Variants in KISS1R observed in about 807,000 individuals in gnomAD.
The protein encoded by KISS1R is KISS1 receptor.
A neutral mutation model predicts 22.0 loss-of-function variants in KISS1R; 19 were observed. That is an observed-to-expected ratio of 0.86 (90% CI 0.60 to 1.26). The LOEUF is 1.26. KISS1R is among the 50% of genes most tolerant of loss of function. The pLI is 0.00. For synonymous variants in KISS1R, 302 were observed against 283.9 expected, an observed-to-expected ratio of 1.06 and a Z score of -0.64; for missense variants, 653 against 581.9, an observed-to-expected ratio of 1.12 and a Z score of -1.26.
intron 1 of KISS1R, among the ~76,000 whole-genome samples, chr19:918,226 G>A (rs568961538): frequency 4.6e-5 from 7 of 152,364 alleles, no homozygotes; most frequent in Admixed American, 3.9e-4. Flanking sequence ...TGCAGTTGTG[G>A]AAACTGAGGC....
At position 917,663 on chromosome 19, in the gene KISS1R, T is replaced by G; in HGVS notation, c.161T>G (p.Leu54Arg). Reference protein sequence around the residue: ...LVPLFFAALMLLGLVGNSLVI... With the variant: ...LVPLFFAALMRLGLVGNSLVI... ...CCGCTCTTCTTCGCGGCGCTGATGC[T>G]GCTGGGCCTGGTGGGGAACTCGCTG... Residue 54 changes from leucine to arginine, a missense_variant, in exon 1 of 5, where the codon CTG becomes CGG. Coordinates refer to ENST00000234371, the MANE Select transcript of KISS1R (RefSeq NM_032551.5). 6.3e-7 allele frequency: 1 copy of G among 1,594,592 alleles called. No individual in the cohort carries two copies. The highest frequency in any genetic ancestry group is 2.3e-5 in the East Asian group (1 of 43,798).
rs898615247 is a variant in KISS1R, at chr19:917,857, C to T, written c.244+111C>T. The T allele has an allele frequency of 6.9e-6, 9 of 1,310,840 alleles. No homozygotes were observed. In the South Asian group the frequency reaches 1.0e-4, roughly 15 times the overall value. The allele number at this position is 1,310,840 out of a possible 1,614,324, so 81.2% of individuals were successfully genotyped here. A position where few individuals can be genotyped will look rare whatever the true frequency, so the allele number is the denominator to read the frequency against. ...GGGGCCCTCTCGGACCCGGCTCTGT[C>T]CCCTGCAGGGGTCCCCCCCAACCTC... is the stretch of plus-strand genomic sequence containing the variant. On this transcript the variant is annotated intron_variant, in intron 1 of 4. Coordinates refer to ENST00000234371, the MANE Select transcript of KISS1R (RefSeq NM_032551.5).
chr19:917,638 C>T lies in KISS1R; in HGVS notation c.136C>T (p.Pro46Ser), dbSNP rs1397339686. 3.8e-6 allele frequency: 6 copies of T among 1,585,318 alleles called. No individual in the cohort carries two copies. Among genetic ancestry groups the T allele is most frequent in the Non-Finnish European group, 5.1e-6 (6 of 1,168,004 alleles). ...GCGGGCCGTGGACGCCTGGCTCGTG[C>T]CGCTCTTCTTCGCGGCGCTGATGCT... ...SPRAVDAWLV[P>S]LFFAALMLLG... The change falls in exon 1 of 5, where the codon CCG becomes TCG. Residue 46 changes from proline (P) to serine (S), a missense_variant. Transcript: ENST00000234371.
rs768769129 is a variant in KISS1R at position 920,492 on chromosome 19, G to A, written c.941G>A (p.Ser314Asn). ...LKTWAHCMSY[S>N]NSALNPLLYA... ...ACCTGGGCTCACTGCATGTCCTACA[G>A]CAACTCCGCGCTGAACCCGCTGCTC... is the stretch of plus-strand genomic sequence containing the variant. The change falls in exon 5 of 5, where the codon AGC becomes AAC. Residue 314 changes from serine (S) to asparagine (N), a missense_variant. Transcript: ENST00000234371. 1.2e-6 allele frequency: 2 copies of A among 1,609,960 alleles called. No homozygotes were observed. The highest frequency in any genetic ancestry group is 3.3e-5 in the Admixed American group (2 of 59,898).
Position 918,654 on chromosome 19 carries a change from A to T in KISS1R, c.355A>T (p.Asn119Tyr). 6.4e-7 allele frequency: 1 copy of T among 1,550,764 alleles called. No homozygotes were observed. Among genetic ancestry groups the T allele is most frequent in the South Asian group, 1.2e-5 (1 of 84,066 alleles). The change falls in exon 2 of 5, where the codon AAC becomes TAC. Residue 119 changes from asparagine (N) to tyrosine (Y), a missense_variant. Transcript: ENST00000234371. ...VLGDFMCKFV[N>Y]YIQQVSVQAT... ...GGGCGACTTCATGTGCAAGTTCGTCAACTACATCCAGCAGGTGCGCTCCGG... is the reference window on the plus strand; with the variant it reads ...GGGCGACTTCATGTGCAAGTTCGTCTACTACATCCAGCAGGTGCGCTCCGG...
At chr19:919,846 G>A (rs1422286314) in intron 3 of KISS1R, 28 bp from the exon 4 acceptor site, 3 of 1,532,850 alleles carry the variant, frequency 2.0e-6, no homozygotes, top group Non-Finnish European at 2.6e-6. Context: ...TTCCCCGAGC[G>A]GGGTCTTCAT....
chr19:918,027 G>A (rs1396160020), intron 1 of KISS1R, among the ~76,000 whole-genome samples: 1 of 152,234 alleles, frequency 6.6e-6, no homozygotes, highest in Non-Finnish European at 1.5e-5. Context: ...GTGCAGCGCG[G>A]GCCAACGGCT....
In KISS1R at chr19:917,724, G is replaced by A; in HGVS notation, c.222G>A (p.Arg74=). 6.2e-7 allele frequency: 1 copy of A among 1,607,324 alleles called. No homozygotes were observed. The highest frequency in any genetic ancestry group is 8.5e-7 in the Non-Finnish European group (1 of 1,177,230). The change falls in exon 1 of 5, where the codon CGG becomes CGA. Residue 74 remains arginine (R), a synonymous_variant. Transcript: ENST00000234371. The part of the protein sequence containing the change: ...IYVICRHKPM[R]TVTNFYIANL... ...TCATCTGCCGCCACAAGCCGATGCG[G>A]ACCGTGACCAACTTCTACATCGGTG...
Position 920,631 on chromosome 19 carries a change from C to A in KISS1R, c.1080C>A (p.His360Gln), listed in dbSNP as rs1032492440. The A allele has an allele frequency of 1.1e-5, 14 of 1,329,462 alleles. No individual in the cohort carries two copies. Among genetic ancestry groups the A allele is most frequent in the African/African-American group, 1.5e-5 (1 of 64,990 alleles). 82.4% of individuals were successfully genotyped at this position (1,329,462 alleles called of 1,614,324 possible). A position where few individuals can be genotyped will look rare whatever the true frequency, so the allele number is the denominator to read the frequency against. ...GACCCTCGGACCCCGCAGCCCCACA[C>A]GCGGAGCTGCTCCGCCTGGGGTCCC... ...RPGPSDPAAP[H>Q]AELLRLGSHP... The change falls in exon 5 of 5, where the codon CAC becomes CAA. Residue 360 changes from histidine (H) to glutamine (Q), a missense_variant. His to Gln is a conservative substitution (Grantham distance 24). Transcript: ENST00000234371.
intron 1 of KISS1R, 63 bp downstream of exon 1, chr19:917,809 G>C: frequency 6.6e-7 from 1 of 1,523,024 alleles, no homozygotes; most frequent in Non-Finnish European, 8.8e-7. Flanking sequence ...CGAGCGGCCT[G>C]GGGCGCCCTC....
At chr19:918,396 CA>C (rs1190930945) in intron 1 of KISS1R, 147 bp from the exon 2 acceptor site, 1 of 925,072 alleles carries the variant, frequency 1.1e-6, no homozygotes, top group East Asian at 2.8e-5. Context: ...CCGAGGAGGC[CA>C]GGGGCGCTGG....
In KISS1R at chr19:920,170, G is replaced by T. The variant is rs350131; in HGVS notation, c.738+64G>T. ...GCGGGGAGGCACCGTGGTGGGAGGC[G>T]CCGGTGGGGGCATCTGCGCGGGCAG... is the stretch of plus-strand genomic sequence containing the variant. On this transcript the variant is annotated intron_variant, in intron 4 of 4. Coordinates refer to ENST00000234371, the MANE Select transcript of KISS1R (RefSeq NM_032551.5). The T allele has an allele frequency of 0.6, 885,826 of 1,475,120 alleles. 268,043 individuals carry two copies. The highest frequency in any genetic ancestry group is 0.62 in the Non-Finnish European group (691,882 of 1,120,148). 91.4% of individuals were successfully genotyped at this position (1,475,120 alleles called of 1,614,324 possible). A position where few individuals can be genotyped will look rare whatever the true frequency, so the allele number is the denominator to read the frequency against.
At position 918,678 on chromosome 19, in the gene KISS1R, G is replaced by A. The variant is rs1322509439; in HGVS notation, c.369+10G>A. ...CAACTACATCCAGCAGGTGCGCTCC[G>A]GAGCAGGAGGGGAGAGGGCGCACTT... On this transcript the variant is annotated intron_variant, in intron 2 of 4. Transcript: ENST00000234371. 1.3e-6 allele frequency: 2 copies of A among 1,549,550 alleles called. No individual in the cohort carries two copies. The highest frequency in any genetic ancestry group is 2.7e-5 in the African/African-American group (2 of 72,930).
At position 917,719 on chromosome 19, in the gene KISS1R, ATGCGGACCGTG is replaced by A; in HGVS notation, c.218_228del (p.Met73AsnfsTer117). 2 of 1,607,148 alleles carry A rather than the reference ATGCGGACCGTG, an allele frequency of 1.2e-6. No homozygotes were observed. The highest frequency in any genetic ancestry group is 1.7e-6 in the Non-Finnish European group (2 of 1,177,256). On this transcript the variant is annotated frameshift_variant, in exon 1 of 5. Transcript: ENST00000234371. LOFTEE classifies it high-confidence loss of function. ...CTACGTCATCTGCCGCCACAAGCCG[ATGCGGACCGTG>A]ACCAACTTCTACATCGGTGAGTGCG...
At position 917,732 on chromosome 19, in the gene KISS1R, C is replaced by G. The variant is rs779127070; in HGVS notation, c.230C>G (p.Thr77Ser). ...ICRHKPMRTVTNFYIANLAAT... is the reference protein window; with the variant it reads ...ICRHKPMRTVSNFYIANLAAT... ...CGCCACAAGCCGATGCGGACCGTGACCAACTTCTACATCGGTGAGTGCGGG... is the reference window on the plus strand; with the variant it reads ...CGCCACAAGCCGATGCGGACCGTGAGCAACTTCTACATCGGTGAGTGCGGG... Residue 77 changes from threonine (T) to serine (S), a missense_variant, in exon 1 of 5, where the codon ACC becomes AGC. Thr to Ser is a moderately conservative substitution (Grantham distance 58). Transcript: ENST00000234371. 6.2e-7 allele frequency: 1 copy of G among 1,607,140 alleles called. No individual in the cohort carries two copies. The highest frequency in any genetic ancestry group is 1.1e-5 in the South Asian group (1 of 90,414).
At position 919,351 on chromosome 19, in the gene KISS1R, C is replaced by T. The variant is rs1341637492; in HGVS notation, c.370-139C>T. ...CTCCCCACCTTCTGTCCCCTCAACCCGCACTGGACACTCCTCCCAGGACAC... is the reference window on the plus strand; with the variant it reads ...CTCCCCACCTTCTGTCCCCTCAACCTGCACTGGACACTCCTCCCAGGACAC... On this transcript the variant is annotated intron_variant, in intron 2 of 4. Coordinates refer to ENST00000234371, the MANE Select transcript of KISS1R (RefSeq NM_032551.5). 20 of 1,248,332 alleles carry T rather than the reference C, an allele frequency of 1.6e-5. No homozygotes were observed. In the South Asian group the frequency reaches 2.2e-4, roughly 14 times the overall value. 77.3% of individuals were successfully genotyped at this position (1,248,332 alleles called of 1,614,324 possible). A position where few individuals can be genotyped will look rare whatever the true frequency, so the allele number is the denominator to read the frequency against.
Position 920,868 on chromosome 19 carries a change from C to T in KISS1R, c.*120C>T. The T allele has an allele frequency of 8.7e-7, 1 of 1,155,772 alleles. No individual in the cohort carries two copies. Among genetic ancestry groups the T allele is most frequent in the Non-Finnish European group, 1.1e-6 (1 of 921,362 alleles). 71.6% of individuals were successfully genotyped at this position (1,155,772 alleles called of 1,614,324 possible). A position where few individuals can be genotyped will look rare whatever the true frequency, so the allele number is the denominator to read the frequency against. On this transcript the variant is annotated 3_prime_UTR_variant, in exon 5 of 5. Transcript: ENST00000234371. ...AGATCAACTGTGGAAATATTTTGGT[C>T]TCTTGTGACGTTCGGTGCAGTTTCG...
chr19:919,767 C>T (rs2145320245), intron 3 of KISS1R, 107 bp from the exon 4 acceptor site: 1 of 1,483,578 alleles, frequency 6.7e-7, no homozygotes, highest in Non-Finnish European at 9.1e-7. Context: ...AGGCTGCAGA[C>T]GGGGCGCCCG....
Position 920,038 on chromosome 19 carries a change from T to A in KISS1R, c.670T>A (p.Tyr224Asn). The change falls in exon 4 of 5, where the codon TAT (tyrosine) becomes AAT (asparagine). Residue 224 changes from tyrosine to asparagine, a missense_variant. Coordinates refer to ENST00000234371, the MANE Select transcript of KISS1R (RefSeq NM_032551.5). ...LLPLLATCAC[Y>N]AAMLRHLGRV... ...GCCGCTGCTCGCCACCTGCGCCTGC[T>A]ATGCGGCCATGCTGCGCCACCTGGG... 3.9e-6 allele frequency: 6 copies of A among 1,538,196 alleles called. No individual in the cohort carries two copies. The highest frequency in any genetic ancestry group is 5.2e-6 in the Non-Finnish European group (6 of 1,146,022).
Sources: allele counts gnomAD v4.1 joint callset (sites outside exome capture counted in the v4.1 genomes callset), GRCh38; gene constraint gnomAD v4.1.1; transcripts MANE v1.5; gene names NCBI Gene and HGNC (gene_info 2026-07-23, HGNC 2026-07-21).